The following STXBP5L variants were observed in gnomAD, a reference collection of about 807,000 sequenced individuals.
STXBP5L encodes syntaxin binding protein 5L, also known as syntaxin-binding protein 5-like.
STXBP5L carries 65 observed loss-of-function variants against 144.5 expected under a neutral mutation model. The ratio of observed to expected loss-of-function variants is 0.45; its 90% CI spans 0.37 to 0.55. STXBP5L has a LOEUF of 0.55. Among genes scored for constraint, STXBP5L ranks in the 20% least tolerant of loss-of-function variants. The pLI is 0.00. For synonymous variants in STXBP5L, 505 were observed against 469.6 expected (o/e 1.08, Z -0.97); for missense variants, 1,298 against 1,405.5 (o/e 0.92, Z 1.22).
At chr3:121,318,747 G>A (rs1476011368) in intron 20 of STXBP5L, among the ~76,000 whole-genome samples, 1 of 152,038 alleles carries the variant, frequency 6.6e-6, no homozygotes, top group East Asian at 1.9e-4. Context: ...ATAAAATTAA[G>A]ATCAGAGGTA....
chr3:121,216,508 G>T (rs170939), intron 10 of STXBP5L, among the ~76,000 whole-genome samples: 71,199 of 151,954 alleles, frequency 0.47, 17,352 homozygotes, highest in East Asian at 0.73. Context: ...TTATCACCAC[G>T]GGAGTCTGCA....
chr3:121,192,245 C>T (rs1487222094), intron 9 of STXBP5L, among the ~76,000 whole-genome samples: 2 of 152,056 alleles, frequency 1.3e-5, no homozygotes, highest in Non-Finnish European at 2.9e-5. Flanking sequence ...AATAAAACAC[C>T]TAGGCATACA....
intron 3 of STXBP5L, among the ~76,000 whole-genome samples, chr3:121,002,249 C>G (rs778006881): frequency 6.6e-6 from 1 of 151,154 alleles, no homozygotes; most frequent in East Asian, 2.0e-4. Context: ...GCATTCTAAT[C>G]GATGTGAGAT....
intron 3 of STXBP5L, among the ~76,000 whole-genome samples, chr3:120,996,510 A>G (rs1306219248): frequency 1.3e-5 from 2 of 152,138 alleles, no homozygotes; most frequent in African/African-American, 2.4e-5. Context: ...CAAGTATACA[A>G]CACAGTATTA....
intron 9 of STXBP5L, among the ~76,000 whole-genome samples, chr3:121,197,997 T>C (rs374308092): frequency 2.4e-4 from 37 of 152,222 alleles, no homozygotes; most frequent in African/African-American, 8.9e-4. Flanking sequence ...TTATAATCCT[T>C]TGGATATATA....
chr3:121,084,648 A>G (rs762290165), intron 5 of STXBP5L, among the ~76,000 whole-genome samples: 10 of 152,362 alleles, frequency 6.6e-5, no homozygotes, highest in Non-Finnish European at 1.3e-4. Flanking sequence ...TACTCTTATG[A>G]ATAGTGCTGC....
intron 20 of STXBP5L, among the ~76,000 whole-genome samples, chr3:121,343,951 AG>A (rs2044840003): frequency 6.6e-6 from 1 of 152,090 alleles, no homozygotes; most frequent in Non-Finnish European, 1.5e-5. Flanking sequence ...GTCAATCCTA[AG>A]CCAAAAGAAC....
rs371277330 is a variant in STXBP5L at position 121,280,530 on chromosome 3, C to A, written c.2110+574C>A. Among the ~76,000 whole-genome samples the A allele has an allele frequency of 2.6e-5, 4 of 151,640 alleles. No individual in the cohort carries two copies. In the South Asian group the frequency reaches 8.3e-4, roughly 31 times the overall value. On this transcript the variant is annotated intron_variant, in intron 19 of 26. Coordinates refer to ENST00000471454, the MANE Select transcript of STXBP5L (RefSeq NM_001308330.2). Reference sequence around the variant, plus strand: ...ATTTTTCTTGGAAGGATCAATAAATCGATGTATTTAACTATAAAAGAAAAT... The same window carrying A: ...ATTTTTCTTGGAAGGATCAATAAATAGATGTATTTAACTATAAAAGAAAAT...
chr3:121,369,463 G>C (rs1426285700), intron 20 of STXBP5L, among the ~76,000 whole-genome samples: 3 of 151,938 alleles, frequency 2.0e-5, no homozygotes, highest in Admixed American at 2.0e-4. Flanking sequence ...AAATTCTAAA[G>C]ATGATTATTT....
chr3:121,126,344 G>A (rs1402918095), intron 7 of STXBP5L, among the ~76,000 whole-genome samples: 1 of 152,134 alleles, frequency 6.6e-6, no homozygotes, highest in Admixed American at 6.6e-5. Flanking sequence ...AGCCTAAAAT[G>A]TTCACTATCT....
intron 10 of STXBP5L, among the ~76,000 whole-genome samples, chr3:121,217,726 A>C (rs1031936655): frequency 6.6e-6 from 1 of 151,928 alleles, no homozygotes; most frequent in African/African-American, 2.4e-5. Flanking sequence ...TATAATCTTT[A>C]TTGTGTTATC....
chr3:121,189,203 T>A (rs137888478), intron 9 of STXBP5L, among the ~76,000 whole-genome samples: 21 of 152,366 alleles, frequency 1.4e-4, no homozygotes, highest in African/African-American at 4.8e-4. Context: ...TTTCTTTTGC[T>A]GTGCAGAAGC....
intron 19 of STXBP5L, among the ~76,000 whole-genome samples, chr3:121,301,941 G>A (rs532934557): frequency 2.2e-4 from 33 of 152,218 alleles, no homozygotes; most frequent in East Asian, 7.7e-4. Context: ...TGCTGGATTC[G>A]GTTTGCCAGT....
At chr3:121,060,604 G>A (rs1379320025) in intron 5 of STXBP5L, among the ~76,000 whole-genome samples, 1 of 152,128 alleles carries the variant, frequency 6.6e-6, no homozygotes, top group Non-Finnish European at 1.5e-5. Context: ...TCTTGTTCTG[G>A]ACTGTTTTTG....
At chr3:121,041,670 T>C (rs779290735) in intron 3 of STXBP5L, 30 bp from the exon 4 acceptor site, 1 of 1,519,492 alleles carries the variant, frequency 6.6e-7, no homozygotes. Flanking sequence ...CTAATTAAAA[T>C]GTTAGAATCC....
At chr3:121,259,420 G>A (rs758185644) in intron 18 of STXBP5L, among the ~76,000 whole-genome samples, 24 of 152,046 alleles carry the variant, frequency 1.6e-4, no homozygotes, top group Admixed American at 5.9e-4. Context: ...CTTAAACTGT[G>A]TTGTTTGTTT....
intron 20 of STXBP5L, among the ~76,000 whole-genome samples, chr3:121,355,293 G>A (rs2045465447): frequency 6.6e-6 from 1 of 152,140 alleles, no homozygotes; most frequent in African/African-American, 2.4e-5. Context: ...TTCCAACTTG[G>A]TTCCATTCTC....
intron 3 of STXBP5L, among the ~76,000 whole-genome samples, chr3:121,041,328 C>G (rs1219594137): frequency 2.0e-5 from 3 of 151,932 alleles, no homozygotes; most frequent in Non-Finnish European, 4.4e-5. Flanking sequence ...TCTTTTAAGT[C>G]TCATCTTATG....
chr3:120,996,305 A>G (rs1226217886), intron 3 of STXBP5L, among the ~76,000 whole-genome samples: 1 of 151,918 alleles, frequency 6.6e-6, no homozygotes, highest in African/African-American at 2.4e-5. Flanking sequence ...TAAAATTGGG[A>G]AATTTTTAGT....
Sources: gnomAD v4.1 joint callset for allele counts (sites outside exome capture counted in the v4.1 genomes callset) on GRCh38, gnomAD v4.1.1 for gene constraint, MANE v1.5 for transcripts, NCBI Gene and HGNC (gene_info 2026-07-23, HGNC 2026-07-21) for gene names.